TUBGCP5: variants seen among roughly 807,000 people sequenced by gnomAD.
The protein encoded by TUBGCP5 is gamma-tubulin complex component 5.
A neutral mutation model predicts 134.7 loss-of-function variants in TUBGCP5; 98 were observed. That is an observed-to-expected ratio of 0.73 (90% CI 0.62 to 0.86). The LOEUF is 0.86. TUBGCP5 is among the 40% of genes least tolerant of loss of function. TUBGCP5 has a pLI of 0.00. For synonymous variants in TUBGCP5, 456 were observed against 431.4 expected, an observed-to-expected ratio of 1.06 and a Z score of -0.71; for missense variants, 1,150 against 1,244.8, an observed-to-expected ratio of 0.92 and a Z score of 1.15.
At chr15:23,021,661 C>T (rs2065704628) in intron 11 of TUBGCP5, among the ~76,000 whole-genome samples, 1 of 152,190 alleles carries the variant, frequency 6.6e-6, no homozygotes, top group African/African-American at 2.4e-5. Context: ...TCAGCTATCT[C>T]ATGTCATGTT....
chr15:23,017,307 AAAG>A (rs1163301804), intron 13 of TUBGCP5, among the ~76,000 whole-genome samples: 16 of 152,256 alleles, frequency 1.1e-4, no homozygotes, highest in Admixed American at 2.0e-4. Flanking sequence ...TGCACATAGC[AAAG>A]AAGAGGATAC....
chr15:22,999,095 A>G (rs1016796889), downstream of TUBGCP5: 4 of 152,174 alleles, frequency 2.6e-5, no homozygotes, highest in African/African-American at 4.8e-5. Context: ...TACATCTAAG[A>G]CAACTTTTAG....
intron 11 of TUBGCP5, 87 bp downstream of exon 11, chr15:23,021,872 G>T: frequency 7.5e-7 from 1 of 1,341,848 alleles, no homozygotes; most frequent in Non-Finnish European, 1.1e-6. Flanking sequence ...CATCATTCAA[G>T]TATCAACAAA....
chr15:23,015,323 T>C (rs1456717921), intron 13 of TUBGCP5, among the ~76,000 whole-genome samples: 4 of 151,402 alleles, frequency 2.6e-5, no homozygotes, highest in East Asian at 2.0e-4. Flanking sequence ...TGGCCTCAAG[T>C]AATCCACCTG....
chr15:23,000,223 TA>T, intron 22 of TUBGCP5: 10 of 1,181,250 alleles, frequency 8.5e-6, no homozygotes, highest in South Asian at 3.6e-5. Flanking sequence ...TTTAAATTCC[TA>T]AAAAAATTTT....
At chr15:22,997,217 T>C (rs1038633913), downstream of TUBGCP5, among the ~76,000 whole-genome samples, 4 of 152,060 alleles carry the variant, frequency 2.6e-5, no homozygotes, top group African/African-American at 7.2e-5. Context: ...TCTTGCTCTG[T>C]CACCCAGGCT....
chr15:23,027,348 A>G (rs765940580), intron 6 of TUBGCP5, 42 bp from the exon 7 acceptor site: 12 of 1,526,272 alleles, frequency 7.9e-6, no homozygotes, highest in Non-Finnish European at 1.1e-5. Flanking sequence ...AACAACAACA[A>G]AATACTGGGT....
intron 5 of TUBGCP5, 95 bp downstream of exon 5, chr15:23,031,855 T>C (rs948673502): frequency 1.2e-6 from 1 of 842,730 alleles, no homozygotes; most frequent in Non-Finnish European, 1.8e-6. Context: ...GTTCCTGTTT[T>C]AGCTAAGTTG....
chr15:22,993,586 C>A (rs1489401117), intron 23 of TUBGCP5, among the ~76,000 whole-genome samples: 2 of 141,638 alleles, frequency 1.4e-5, no homozygotes, highest in Non-Finnish European at 3.0e-5. Context: ...GCTCTGTCGC[C>A]CAGGCTGGAG....
At position 23,007,132 on chromosome 15, in the gene TUBGCP5, G is replaced by A. The variant is rs192423530; in HGVS notation, c.2328-780C>T. Among the ~76,000 whole-genome samples, 957 of 152,182 alleles carry A rather than the reference G, an allele frequency of 6.3e-3. 15 individuals are homozygous for A. The highest frequency in any genetic ancestry group is 8.5e-3 in the Non-Finnish European group (578 of 67,982). ...TAGTCAGAATTTTTAGCTCTTTGCC[G>A]GGTGCGGTGGCTCACACCTGTAATC... On this transcript the variant is annotated intron_variant, in intron 16 of 22. Coordinates refer to ENST00000615383, the MANE Select transcript of TUBGCP5 (RefSeq NM_052903.6).
At position 23,009,722 on chromosome 15, in the gene TUBGCP5, CT is replaced by C. The variant is rs918818796; in HGVS notation, c.2144+222del. 3.3e-5 allele frequency among the ~76,000 whole-genome samples: 5 copies of C among 152,044 alleles called. 1 individual carries two copies. Among genetic ancestry groups the C allele is most frequent in the African/African-American group, 9.7e-5 (4 of 41,412 alleles). ...ACAAACTTTGTAATTTTTCTACAAGCTTTTTCTGTATTTCTTTTGGGAAAGA... is the reference window on the plus strand; with the variant it reads ...ACAAACTTTGTAATTTTTCTACAAGCTTTTCTGTATTTCTTTTGGGAAAGA... On this transcript the variant is annotated intron_variant, in intron 15 of 22. Transcript: ENST00000615383.
intron 23 of TUBGCP5, among the ~76,000 whole-genome samples, chr15:22,984,132 C>T (rs138446227): frequency 2.6e-5 from 4 of 151,568 alleles, no homozygotes; most frequent in Admixed American, 6.6e-5. Context: ...AAAAATAGAA[C>T]GAAATAAAAT....
At chr15:22,998,673 G>A (rs985866492), downstream of TUBGCP5, among the ~76,000 whole-genome samples, 2 of 151,784 alleles carry the variant, frequency 1.3e-5, no homozygotes, top group African/African-American at 4.8e-5. Context: ...GGAGTGCAGT[G>A]GTACAATCTA....
At chr15:23,022,788 G>C (rs1324279463) in intron 10 of TUBGCP5, among the ~76,000 whole-genome samples, 1 of 152,150 alleles carries the variant, frequency 6.6e-6, no homozygotes, top group Non-Finnish European at 1.5e-5. Flanking sequence ...TTTACCACTG[G>C]GGGAAGCAAG....
At position 23,026,152 on chromosome 15, in the gene TUBGCP5, A is replaced by G; in HGVS notation, c.791T>C (p.Leu264Ser). Residue 264 changes from leucine (L) to serine (S), a missense_variant, in exon 8 of 23, where the codon TTG (leucine) becomes TCG (serine). This residue lies in a region of TUBGCP5 where 453 missense variants were observed against 394.7 expected (regional missense o/e 1.15). Coordinates refer to ENST00000615383, the MANE Select transcript of TUBGCP5 (RefSeq NM_052903.6). ...DPLYVPDDRV[L>S]VTETQVIRET... ...CCGAATAACCTGAGTCTCAGTAACCAAAACCCTGTCATCTGGAACATACAA... is the reference window on the plus strand; with the variant it reads ...CCGAATAACCTGAGTCTCAGTAACCGAAACCCTGTCATCTGGAACATACAA... The G allele has an allele frequency of 6.2e-7, 1 of 1,610,910 alleles. No homozygotes were observed. Among genetic ancestry groups the G allele is most frequent in the Non-Finnish European group, 8.5e-7 (1 of 1,179,200 alleles).
chr15:23,027,264 T>C lies in TUBGCP5; in HGVS notation c.665A>G (p.His222Arg), dbSNP rs1452676563. 1 of 1,613,976 alleles carries C rather than the reference T, an allele frequency of 6.2e-7. No individual in the cohort carries two copies. The highest frequency in any genetic ancestry group is 1.3e-5 in the African/African-American group (1 of 74,916). ...DRSWLEHHVV[H>R]QYWTARPSQF... ...GGAGGGCCTGGCTGTCCAGTACTGA[T>C]GGACCACATGATGTTCCAGCCAGCT... is the stretch of plus-strand genomic sequence containing the variant. The change falls in exon 7 of 23, where the codon CAT becomes CGT. Residue 222 changes from histidine to arginine, a missense_variant. Physicochemically the swap from His to Arg is conservative, Grantham distance 29 (BLOSUM62 0). This residue lies in a region of TUBGCP5 where 453 missense variants were observed against 394.7 expected (regional missense o/e 1.15). Coordinates refer to ENST00000615383, the MANE Select transcript of TUBGCP5 (RefSeq NM_052903.6).
chr15:23,000,621 C>T lies in TUBGCP5; in HGVS notation c.2976G>A (p.Met992Ile). Residue 992 changes from methionine to isoleucine, a missense_variant, in exon 22 of 23, where the codon ATG becomes ATA. Physicochemically the swap from Met to Ile is conservative, Grantham distance 10. This residue lies in a region of TUBGCP5 where 697 missense variants were observed against 850.1 expected (regional missense o/e 0.82). Transcript: ENST00000615383. ...KMESDFKNCH[M>I]FLVTILNKAV... Reference sequence around the variant, plus strand: ...CTTTGTTTAAAATGGTTACAAGAAACATATGGCAGTTTTTAAAATCAGATT... The same window carrying T: ...CTTTGTTTAAAATGGTTACAAGAAATATATGGCAGTTTTTAAAATCAGATT... The T allele has an allele frequency of 6.2e-7, 1 of 1,609,142 alleles. No homozygotes were observed. The highest frequency in any genetic ancestry group is 2.2e-5 in the East Asian group (1 of 44,804).
At chr15:23,008,592 A>G in intron 16 of TUBGCP5, 107 bp downstream of exon 16, 2 of 1,340,196 alleles carry the variant, frequency 1.5e-6, no homozygotes, top group South Asian at 1.2e-5. Flanking sequence ...TATTAGTAAA[A>G]CTCATAGGAA....
Position 23,000,649 on chromosome 15 carries a change from A to G in TUBGCP5, c.2948T>C (p.Met983Thr), listed in dbSNP as rs769140816. ...GTWRMESIEK[M>T]ESDFKNCHMF... ...ATGGCAGTTTTTAAAATCAGATTCC[A>G]TTTTCTCTATAGATTCCATTCTAGG... is the stretch of plus-strand genomic sequence containing the variant. Residue 983 changes from methionine (M) to threonine (T), a missense_variant, in exon 22 of 23, where the codon ATG becomes ACG. Physicochemically the swap from Met to Thr is moderately conservative, Grantham distance 81. This residue lies in a region of TUBGCP5 where 697 missense variants were observed against 850.1 expected (regional missense o/e 0.82). Transcript: ENST00000615383. The G allele has an allele frequency of 8.1e-6, 13 of 1,605,230 alleles. No homozygotes were observed. The South Asian group carries it at 1.1e-4, about 14-fold the overall frequency.
Sources: gnomAD v4.1 joint callset for allele counts (sites outside exome capture counted in the v4.1 genomes callset) on GRCh38, gnomAD v4.1.1 for gene constraint, gnomAD v4.1.1 regional missense constraint, MANE v1.5 for transcripts, NCBI Gene and HGNC (gene_info 2026-07-23, HGNC 2026-07-21) for gene names.